CEP164: variants seen among roughly 807,000 people sequenced by gnomAD.
The protein encoded by CEP164 is centrosomal protein of 164 kDa.
A neutral mutation model predicts 182.7 loss-of-function variants in CEP164; 162 were observed. The observed-to-expected ratio is 0.89, with a 90% CI of 0.78 to 1.01. The LOEUF is 1.01. Ranked by LOEUF, CEP164 falls within the 50% of genes least tolerant of loss-of-function variation. The pLI, the probability that CEP164 is intolerant of heterozygous loss-of-function variation, is 0.00. For synonymous variants in CEP164, 661 were observed against 690.0 expected (o/e 0.96, Z 0.66); for missense variants, 1,735 against 1,790.4 (o/e 0.97, Z 0.56).
At chr11:117,329,479 A>T (rs951299048) in intron 1 of CEP164, among the ~76,000 whole-genome samples, 1 of 152,192 alleles carries the variant, frequency 6.6e-6, no homozygotes, top group Non-Finnish European at 1.5e-5. Context: ...TTGGAGTCAG[A>T]CATGGATACT....
intron 15 of CEP164, among the ~76,000 whole-genome samples, chr11:117,387,815 G>A (rs575407548): frequency 2.2e-4 from 33 of 152,336 alleles, no homozygotes; most frequent in African/African-American, 7.9e-4. Flanking sequence ...ACATCCAAGA[G>A]TGGTAGAAAA....
chr11:117,375,269 G>T (rs936719923), intron 10 of CEP164, among the ~76,000 whole-genome samples: 2 of 152,194 alleles, frequency 1.3e-5, no homozygotes, highest in African/African-American at 4.8e-5. Context: ...TTTGGAGTCA[G>T]TGCGGGGCCC....
At chr11:117,328,628 A>C (rs1288519066) in intron 1 of CEP164, among the ~76,000 whole-genome samples, 5 of 152,148 alleles carry the variant, frequency 3.3e-5, no homozygotes, top group Non-Finnish European at 7.3e-5. Context: ...TCCTGAGCTC[A>C]GACCTGCTTA....
intron 8 of CEP164, 102 bp from the exon 9 acceptor site, chr11:117,370,978 C>A: frequency 8.0e-7 from 1 of 1,250,118 alleles, no homozygotes; most frequent in Non-Finnish European, 1.1e-6. Context: ...CAGGCACTGG[C>A]CTGTGGGAGT....
intron 1 of CEP164, among the ~76,000 whole-genome samples, chr11:117,330,438 A>C (rs2036020674): frequency 6.6e-6 from 1 of 152,176 alleles, no homozygotes; most frequent in South Asian, 2.1e-4. Context: ...GGATCACCTG[A>C]GGTCAGGAGT....
At chr11:117,348,825 C>T (rs1220428774) in intron 4 of CEP164, among the ~76,000 whole-genome samples, 2 of 152,152 alleles carry the variant, frequency 1.3e-5, no homozygotes, top group Non-Finnish European at 2.9e-5. Context: ...CTGGCAGTCA[C>T]CATTCAGCTT....
chr11:117,365,567 ATTTC>A (rs34968044), intron 8 of CEP164, among the ~76,000 whole-genome samples: 12 of 151,316 alleles, frequency 7.9e-5, no homozygotes, highest in South Asian at 2.1e-4. Flanking sequence ...TGAAAGGTGG[ATTTC>A]TTTCTTTCTT....
chr11:117,341,633 A>T (rs1487452177), intron 3 of CEP164, among the ~76,000 whole-genome samples: 1 of 151,902 alleles, frequency 6.6e-6, no homozygotes, highest in African/African-American at 2.4e-5. Context: ...GTTGGTAGAG[A>T]TGGGGTCTTG....
Position 117,396,549 on chromosome 11 carries a change from G to A in CEP164, c.3217-1G>A, listed in dbSNP as rs2045494731. ...TGGACTTTTCTACCATGTGTCCCTA[G>A]AACCAGACCAAAGAGGTGTCTTCTT... On this transcript the variant is annotated splice_acceptor_variant, in intron 25 of 32. Transcript: ENST00000278935. LOFTEE classifies it high-confidence loss of function. The A allele has an allele frequency of 3.7e-6, 6 of 1,613,616 alleles. No individual in the cohort carries two copies. In the East Asian group the frequency reaches 1.3e-4, roughly 36 times the overall value.
At chr11:117,399,813 G>T (rs1310779331) in intron 27 of CEP164, among the ~76,000 whole-genome samples, 1 of 152,024 alleles carries the variant, frequency 6.6e-6, no homozygotes, top group Non-Finnish European at 1.5e-5. Flanking sequence ...CATATCCTTT[G>T]CCCACTTTTT....
intron 5 of CEP164, chr11:117,355,994 T>C: frequency 2.0e-6 from 2 of 979,310 alleles, no homozygotes; most frequent in South Asian, 2.7e-5. Flanking sequence ...TGGGCCTGAC[T>C]TGGAGAGCAG....
At chr11:117,392,094 T>C in intron 17 of CEP164, 132 bp from the exon 18 acceptor site, 1 of 621,970 alleles carries the variant, frequency 1.6e-6, no homozygotes, top group Middle Eastern at 4.1e-4. Context: ...GGAACAAAGA[T>C]GTGCTGTGCT....
In CEP164 at chr11:117,394,178, G is replaced by T. The variant is rs1490984797; in HGVS notation, c.2617-172G>T. On this transcript the variant is annotated intron_variant, in intron 20 of 32. Coordinates refer to ENST00000278935, the MANE Select transcript of CEP164 (RefSeq NM_014956.5). This position sits in a 1 kb window ranked among gnomAD's most constrained non-coding sequence, Gnocchi z 4.0. ...CTCTAGAGGGCTGCAGGCTTGCTGG[G>T]GCCAGGGCCGGTGCTGTGCTTGTAA... Among the ~76,000 whole-genome samples the T allele has an allele frequency of 6.6e-6, 1 of 152,244 alleles. No individual in the cohort carries two copies. The highest frequency in any genetic ancestry group is 1.9e-4 in the East Asian group (1 of 5,204).
chr11:117,407,751 A>G (rs2046878119), intron 27 of CEP164, among the ~76,000 whole-genome samples, 174 bp from the exon 28 acceptor site: 3 of 152,214 alleles, frequency 2.0e-5, no homozygotes, highest in Admixed American at 1.3e-4. Flanking sequence ...ACATAGTAAC[A>G]TACTCTTTCT....
At position 117,397,133 on chromosome 11, in the gene CEP164, G is replaced by A. The variant is rs2045578861; in HGVS notation, c.3321G>A (p.Gly1107=). The change falls in exon 27 of 33, where the codon GGG becomes GGA. Residue 1107 remains glycine (G), a synonymous_variant. Transcript: ENST00000278935. ...HNVWHLLSAE[G]VALRSAKEFL... ...TCTGGCACCTCCTCTCTGCTGAGGG[G>A]GTAGCCCTCCGTAGTGCCAAGGAGT... 1.9e-6 allele frequency: 3 copies of A among 1,614,188 alleles called. No individual in the cohort carries two copies. Among genetic ancestry groups the A allele is most frequent in the Non-Finnish European group, 2.5e-6 (3 of 1,180,022 alleles).
At chr11:117,398,433 C>T (rs1015421702) in intron 27 of CEP164, among the ~76,000 whole-genome samples, 20 of 152,188 alleles carry the variant, frequency 1.3e-4, no homozygotes, top group African/African-American at 4.6e-4. Context: ...TGGCCCTCTT[C>T]TCACAGCTCT....
In CEP164 at chr11:117,393,181, GCACATGCACACACACATGCACACA is replaced by G. The variant is rs147275668; in HGVS notation, c.2616+65_2616+88del. The G allele has an allele frequency of 1.9e-6, 3 of 1,584,458 alleles. No homozygotes were observed. The Admixed American group carries it at 5.1e-5, about 27-fold the overall frequency. On this transcript the variant is annotated intron_variant, in intron 20 of 32. Coordinates refer to ENST00000278935, the MANE Select transcript of CEP164 (RefSeq NM_014956.5). ...CACACACATGCACACACACATGCAC[GCACATGCACACACACATGCACACA>G]CACATGCACGCACATGCACACACAC... is the stretch of plus-strand genomic sequence containing the variant.
chr11:117,387,393 C>T lies in CEP164; in HGVS notation c.1915C>T (p.Gln639Ter). 1.9e-6 allele frequency: 3 copies of T among 1,614,138 alleles called. No homozygotes were observed. The highest frequency in any genetic ancestry group is 2.5e-6 in the Non-Finnish European group (3 of 1,180,024). ...EEEEILRLHQ[Q>*]KEQSLSSLRE... ...AGAGGAGATCCTCCGGCTTCACCAG[C>T]AGAAAGAGCAATCTCTCAGGTCCTG... The change falls in exon 15 of 33, where the codon CAG becomes TAG. Residue 639 changes from glutamine to a stop codon, truncating the protein, a stop_gained. Transcript: ENST00000278935. LOFTEE classifies it high-confidence loss of function.
chr11:117,380,566 C>A, intron 11 of CEP164, 48 bp from the exon 12 acceptor site: 1 of 1,463,400 alleles, frequency 6.8e-7, no homozygotes, highest in East Asian at 2.4e-5. Context: ...TGGAGGGACC[C>A]AAATGCAGTC....
Sources: allele counts gnomAD v4.1 joint callset (sites outside exome capture counted in the v4.1 genomes callset), GRCh38; gene constraint gnomAD v4.1.1; non-coding constraint Gnocchi (gnomAD v3.1); transcripts MANE v1.5; gene names NCBI Gene and HGNC (gene_info 2026-07-23, HGNC 2026-07-21).